The following TNFRSF11A variants were observed in gnomAD, a reference collection of about 807,000 sequenced individuals.
TNFRSF11A encodes TNF receptor superfamily member 11a.
A neutral mutation model predicts 55.7 loss-of-function variants in TNFRSF11A; 32 were observed. The ratio of observed to expected loss-of-function variants is 0.57; its 90% CI spans 0.43 to 0.77. The LOEUF is 0.77. Among genes scored for constraint, TNFRSF11A ranks in the 30% least tolerant of loss-of-function variants. TNFRSF11A has a pLI of 0.00. For missense variants in TNFRSF11A, 753 were observed against 809.8 expected, an observed-to-expected ratio of 0.93 and a Z score of 0.85; for synonymous variants, 311 against 331.0, an observed-to-expected ratio of 0.94 and a Z score of 0.65.
intron 1 of TNFRSF11A, among the ~76,000 whole-genome samples, chr18:62,326,911 A>C (rs1308500475): frequency 1.3e-5 from 2 of 152,156 alleles, no homozygotes; most frequent in Non-Finnish European, 2.9e-5. Flanking sequence ...CAGGAGAAAA[A>C]CTGTACTTAA....
intron 9 of TNFRSF11A, among the ~76,000 whole-genome samples, chr18:62,372,026 C>G (rs936179211): frequency 1.3e-5 from 2 of 152,076 alleles, no homozygotes; most frequent in African/African-American, 4.8e-5. Context: ...GGGGACTTTT[C>G]CTTTAGGGAA....
intron 1 of TNFRSF11A, among the ~76,000 whole-genome samples, chr18:62,345,117 G>T (rs902737803): frequency 6.6e-6 from 1 of 152,332 alleles, no homozygotes; most frequent in Admixed American, 6.5e-5. Flanking sequence ...AGTGCACAGC[G>T]CTCACCAGGC....
intron 8 of TNFRSF11A, among the ~76,000 whole-genome samples, chr18:62,368,405 T>G (rs112592388): frequency 1.3e-5 from 2 of 152,202 alleles, no homozygotes; most frequent in Non-Finnish European, 1.5e-5. Flanking sequence ...ATTGAGAATA[T>G]GTAGTCAGAA....
rs11289576 is a variant in TNFRSF11A at position 62,335,129 on chromosome 18, A to ATTTT, written c.75+9715_75+9718dup. On this transcript the variant is annotated intron_variant, in intron 1 of 9. Transcript: ENST00000586569. Reference sequence around the variant, plus strand: ...CTGTGACCAAGCCACTGGGGTCGGAATTTTTTTTTTTTTTTTGTTACCCAG... The same window carrying ATTTT: ...CTGTGACCAAGCCACTGGGGTCGGAATTTTTTTTTTTTTTTTTTTTGTTACCCAG... Among the ~76,000 whole-genome samples, 26 of 140,712 alleles carry ATTTT rather than the reference A, an allele frequency of 1.8e-4. 1 individual carries two copies. The highest frequency in any genetic ancestry group is 2.5e-4 in the Non-Finnish European group (16 of 64,636). The allele number at this position is 140,712 out of a possible 152,430, so 92.3% of individuals were successfully genotyped here. A position where few individuals can be genotyped will look rare whatever the true frequency, so the allele number is the denominator to read the frequency against.
intron 1 of TNFRSF11A, among the ~76,000 whole-genome samples, chr18:62,337,935 C>T (rs948374191): frequency 6.6e-6 from 1 of 152,194 alleles, no homozygotes; most frequent in African/African-American, 2.4e-5. Context: ...GTGTTGTCAG[C>T]AGCTAAATCA....
intron 5 of TNFRSF11A, 117 bp downstream of exon 5, chr18:62,358,458 C>A: frequency 1.0e-6 from 1 of 993,788 alleles, no homozygotes; most frequent in South Asian, 1.3e-5. Context: ...CTCTTGAAGC[C>A]ACGTTCAAAA....
chr18:62,344,849 C>T (rs2046359851), intron 1 of TNFRSF11A, among the ~76,000 whole-genome samples: 1 of 152,156 alleles, frequency 6.6e-6, no homozygotes, highest in South Asian at 2.1e-4. Flanking sequence ...AAAAATGACA[C>T]CCAGAGGATG....
rs1911851867 is a variant in TNFRSF11A at position 62,388,086 on chromosome 18, G to C, written c.*3052G>C. 1 of 152,286 alleles carries C rather than the reference G, an allele frequency of 6.6e-6. No individual in the cohort carries two copies. Among genetic ancestry groups the C allele is most frequent in the South Asian group, 2.1e-4 (1 of 4,832 alleles). 9.4% of individuals were successfully genotyped at this position (152,286 alleles called of 1,614,324 possible). On this transcript the variant is annotated 3_prime_UTR_variant, in exon 10 of 10. Coordinates refer to ENST00000586569, the MANE Select transcript of TNFRSF11A (RefSeq NM_003839.4). ...GCTTTGATTGGGTCAGTGCACTCCAGTGTAAAAAAACAAAAATAAAAACCA... is the reference window on the plus strand; with the variant it reads ...GCTTTGATTGGGTCAGTGCACTCCACTGTAAAAAAACAAAAATAAAAACCA...
In TNFRSF11A at chr18:62,338,927, C is replaced by A. The variant is rs963030464; in HGVS notation, c.76-9241C>A. On this transcript the variant is annotated intron_variant, in intron 1 of 9. Coordinates refer to ENST00000586569, the MANE Select transcript of TNFRSF11A (RefSeq NM_003839.4). ...GGCAGTGGGAGACAGCCCTTTCTCG[C>A]CTCCCGAAATGAGCTGCATTCCTGG... Among the ~76,000 whole-genome samples the A allele has an allele frequency of 2.0e-5, 3 of 152,172 alleles. No individual in the cohort carries two copies. The South Asian group carries it at 6.2e-4, about 32-fold the overall frequency.
intron 1 of TNFRSF11A, among the ~76,000 whole-genome samples, chr18:62,331,777 A>G (rs996000423): frequency 3.3e-5 from 5 of 152,240 alleles, no homozygotes; most frequent in Admixed American, 1.3e-4. Context: ...GTTTGCTTGC[A>G]TGATACACAT....
rs2046058972 is a variant in TNFRSF11A, at chr18:62,325,499, C to T, written c.75+72C>T. The T allele has an allele frequency of 4.8e-6, 5 of 1,043,920 alleles. 1 individual carries two copies. The South Asian group carries it at 7.8e-5, about 16-fold the overall frequency. 64.7% of individuals were successfully genotyped at this position (1,043,920 alleles called of 1,614,324 possible). A position where few individuals can be genotyped will look rare whatever the true frequency, so the allele number is the denominator to read the frequency against. ...CGGGAGCCCCGGGAAGGGCCGGGGC[C>T]GGCGGCATCCTGGCTCCTCCGCCTT... is the stretch of plus-strand genomic sequence containing the variant. On this transcript the variant is annotated intron_variant, in intron 1 of 9. Transcript: ENST00000586569. This position sits in a 1 kb window ranked among gnomAD's most constrained non-coding sequence, Gnocchi z 4.7.
At chr18:62,360,072 G>A (rs1287814394) in intron 6 of TNFRSF11A, 23 bp downstream of exon 6, 10 of 1,605,570 alleles carry the variant, frequency 6.2e-6, no homozygotes, top group Non-Finnish European at 8.5e-6. Flanking sequence ...AGAGCCTGTT[G>A]GTTGATAGAT....
chr18:62,339,530 TCA>T (rs2145261063), intron 1 of TNFRSF11A, among the ~76,000 whole-genome samples: 1 of 152,300 alleles, frequency 6.6e-6, no homozygotes, highest in South Asian at 2.1e-4. Context: ...CTCTGACTGG[TCA>T]CAGTTTTCCT....
chr18:62,375,237 T>C (rs1910812002), intron 9 of TNFRSF11A, among the ~76,000 whole-genome samples: 1 of 151,528 alleles, frequency 6.6e-6, no homozygotes, highest in African/African-American at 2.4e-5. Context: ...GCCCAGGAGG[T>C]CAGGACTGCA....
intron 2 of TNFRSF11A, among the ~76,000 whole-genome samples, chr18:62,348,720 G>T (rs2046420788): frequency 6.6e-6 from 1 of 152,200 alleles, no homozygotes; most frequent in Non-Finnish European, 1.5e-5. Flanking sequence ...AGGTGGACTG[G>T]CTACCACCTG....
chr18:62,362,490 C>CAAAAAAAAAAAAAAA (rs57219485), intron 7 of TNFRSF11A, among the ~76,000 whole-genome samples: 1 of 75,872 alleles, frequency 1.3e-5, no homozygotes, highest in South Asian at 5.2e-4. Context: ...AACTTCATCT[C>CAAAAAAAAAAAAAAA]AAAAAAAAAA....
intron 1 of TNFRSF11A, among the ~76,000 whole-genome samples, chr18:62,345,091 A>T (rs1247143061): frequency 6.6e-6 from 1 of 152,236 alleles, no homozygotes; most frequent in Non-Finnish European, 1.5e-5. Context: ...CCTAAGAGTT[A>T]CAAGCATGGG....
intron 9 of TNFRSF11A, among the ~76,000 whole-genome samples, chr18:62,370,790 G>C (rs1910489906): frequency 6.6e-6 from 1 of 151,806 alleles, no homozygotes; most frequent in Non-Finnish European, 1.5e-5. Flanking sequence ...ACTGGGCTTT[G>C]CTGTTCGTTT....
At chr18:62,341,214 A>G (rs2046306056) in intron 1 of TNFRSF11A, among the ~76,000 whole-genome samples, 1 of 152,232 alleles carries the variant, frequency 6.6e-6, no homozygotes, top group Admixed American at 6.5e-5. Context: ...CCCAGACAGA[A>G]AAGCACTGAA....
Sources: gnomAD v4.1 joint callset for allele counts (sites outside exome capture counted in the v4.1 genomes callset) on GRCh38, gnomAD v4.1.1 for gene constraint, Gnocchi (gnomAD v3.1) non-coding constraint, MANE v1.5 for transcripts, NCBI Gene and HGNC (gene_info 2026-07-23, HGNC 2026-07-21) for gene names.